The following MZT2B variants were observed in gnomAD, a reference collection of about 807,000 sequenced individuals.
MZT2B encodes mitotic spindle organizing protein 2B.
A neutral mutation model predicts 12.1 loss-of-function variants in MZT2B; 11 were observed. The observed-to-expected ratio is 0.91, with a 90% confidence interval of 0.57 to 1.50. MZT2B has a LOEUF of 1.50. MZT2B is among the 40% of genes most tolerant of loss of function. The probability of loss-of-function intolerance (pLI) is 0.00; values close to 1 mark genes in which losing one functional copy is unlikely to be tolerated. For missense variants in MZT2B, 209 were observed against 227.7 expected (o/e 0.92, Z 0.53); for synonymous variants, 85 against 109.5 (o/e 0.78, Z 1.40).
chr2:130,202,304 C>G, the MZT2B span: 4 of 1,287,602 alleles, frequency 3.1e-6, no homozygotes, highest in Non-Finnish European at 4.1e-6. Flanking sequence ...ATTATTTCCT[C>G]TTTTGCTCAT....
At chr2:130,200,792 T>C in the MZT2B span, among the ~76,000 whole-genome samples, 1 of 152,240 alleles carries the variant, frequency 6.6e-6, no homozygotes, top group Non-Finnish European at 1.5e-5. Context: ...GTTCTCACTA[T>C]GTTGACCAGG....
downstream of MZT2B, chr2:130,194,008 A>T (rs1052312): frequency 1.9e-6 from 3 of 1,611,720 alleles, no homozygotes; most frequent in Non-Finnish European, 2.5e-6. Flanking sequence ...AGGCCTTCTC[A>T]GCTGAGATGA....
At chr2:130,190,385 T>C in intron 2 of MZT2B, 84 bp from the exon 3 acceptor site, 4 of 1,573,612 alleles carry the variant, frequency 2.5e-6, no homozygotes, top group Non-Finnish European at 2.6e-6. Context: ...CAGACACAAA[T>C]GTTGCCCAAG....
downstream of MZT2B, chr2:130,194,464 C>T (rs777900508): frequency 2.6e-6 from 4 of 1,545,704 alleles, no homozygotes; most frequent in Middle Eastern, 1.9e-4. Flanking sequence ...TGCACAGATC[C>T]GCCTGAGAGA....
intron 1 of MZT2B, 54 bp from the exon 2 acceptor site, chr2:130,182,573 A>T: frequency 6.4e-7 from 1 of 1,564,538 alleles, no homozygotes; most frequent in Non-Finnish European, 8.6e-7. Flanking sequence ...GTCTTCAGGG[A>T]GGTGGCCGCG....
At chr2:130,182,597 G>A in intron 1 of MZT2B, 30 bp from the exon 2 acceptor site, 3 of 1,556,136 alleles carry the variant, frequency 1.9e-6, no homozygotes, top group Non-Finnish European at 2.6e-6. Flanking sequence ...GGCGGAGAGG[G>A]CTCACCGGCC....
At chr2:130,196,343 T>C in the MZT2B span, 1 of 1,613,920 alleles carries the variant, frequency 6.2e-7, no homozygotes, top group Non-Finnish European at 8.5e-7. Flanking sequence ...GACACCCGCC[T>C]GCCCCACGTG....
chr2:130,203,432 T>C, the MZT2B span, among the ~76,000 whole-genome samples: 1 of 151,988 alleles, frequency 6.6e-6, no homozygotes, highest in South Asian at 2.1e-4. Flanking sequence ...CCAGCAAGTG[T>C]GACAGTGACT....
At position 130,190,672 on chromosome 2, in the gene MZT2B, A is replaced by T; in HGVS notation, c.*46A>T. 6.4e-7 allele frequency: 1 copy of T among 1,568,664 alleles called. No individual in the cohort carries two copies. On this transcript the variant is annotated 3_prime_UTR_variant, in exon 3 of 3. Transcript: ENST00000281871. ...CATCTTTGTCCCCAGCAAAGGCTAC[A>T]TGTTACCTCCTTCAATTGATAATAA...
downstream of MZT2B, among the ~76,000 whole-genome samples, chr2:130,192,642 G>A (rs542015785): frequency 2.2e-4 from 34 of 152,304 alleles, no homozygotes; most frequent in African/African-American, 7.5e-4. Context: ...GGAAGTGGTC[G>A]AAGTGGTCCA....
chr2:130,192,152 G>C, downstream of MZT2B: 1 of 1,585,712 alleles, frequency 6.3e-7, no homozygotes. Context: ...AAAGAAAGCA[G>C]TCCGTGAAGC....
In MZT2B at chr2:130,190,631, G is replaced by C; in HGVS notation, c.*5G>C. 6.3e-7 allele frequency: 1 copy of C among 1,595,340 alleles called. No homozygotes were observed. The highest frequency in any genetic ancestry group is 8.6e-7 in the Non-Finnish European group (1 of 1,165,806). ...CCTACACGGGGCAGCACCTAGGATG[G>C]GGCAGAGACTTGTTGCATCTTTGTC... On this transcript the variant is annotated 3_prime_UTR_variant, in exon 3 of 3. Coordinates refer to ENST00000281871, the MANE Select transcript of MZT2B (RefSeq NM_025029.5).
the MZT2B span, among the ~76,000 whole-genome samples, chr2:130,199,378 G>C: frequency 8.4e-6 from 1 of 118,908 alleles, no homozygotes; most frequent in Non-Finnish European, 1.8e-5. Context: ...GTCCCACCTT[G>C]CCCGTTTCTA....
chr2:130,197,271 C>T, the MZT2B span, among the ~76,000 whole-genome samples: 2 of 151,690 alleles, frequency 1.3e-5, no homozygotes, highest in African/African-American at 4.8e-5. Flanking sequence ...GAGAGGATCA[C>T]TTGGGACCAG....
At chr2:130,185,048 G>C in intron 2 of MZT2B, 1 of 256,304 alleles carries the variant, frequency 3.9e-6, no homozygotes, top group Non-Finnish European at 6.1e-6. Context: ...GGTGGCTCAC[G>C]CCTGTAATCC....
the MZT2B span, chr2:130,196,298 A>G: frequency 6.2e-7 from 1 of 1,614,116 alleles, no homozygotes; most frequent in Non-Finnish European, 8.5e-7. Flanking sequence ...TCCATGTTCA[A>G]GGCAGTACAG....
chr2:130,185,995 G>A (rs1203896521), intron 2 of MZT2B, among the ~76,000 whole-genome samples: 2 of 152,056 alleles, frequency 1.3e-5, no homozygotes, highest in Non-Finnish European at 2.9e-5. Context: ...GCAGATGTGG[G>A]GCCACACCAG....
intron 2 of MZT2B, chr2:130,183,134 G>A (rs1463133618): frequency 4.9e-6 from 2 of 405,668 alleles, no homozygotes; most frequent in Admixed American, 8.5e-5. Flanking sequence ...ACCCCAGGGC[G>A]GGAGGATCGT....
At chr2:130,183,236 G>A (rs1251454806) in intron 2 of MZT2B, 2 of 277,268 alleles carry the variant, frequency 7.2e-6, no homozygotes, top group Non-Finnish European at 1.4e-5. Context: ...TCTGTCCTGT[G>A]GTATACAGCA....
Sources: allele counts gnomAD v4.1 joint callset (sites outside exome capture counted in the v4.1 genomes callset), GRCh38; gene constraint gnomAD v4.1.1; transcripts MANE v1.5; gene names NCBI Gene and HGNC (gene_info 2026-07-23, HGNC 2026-07-21).